LMAN2L: variants seen among roughly 807,000 people sequenced by gnomAD.
LMAN2L encodes lectin, mannose binding 2 like, also known as VIP36-like protein.
LMAN2L carries 30 observed loss-of-function variants against 44.3 expected under a neutral mutation model. The ratio of observed to expected loss-of-function variants is 0.68; its 90% confidence interval spans 0.51 to 0.92. The LOEUF (loss-of-function observed/expected upper bound fraction) is 0.92, where lower values mean the gene tolerates loss of function less well. Among genes scored for constraint, LMAN2L ranks in the 40% least tolerant of loss-of-function variants. The pLI is 0.00. For missense variants in LMAN2L, 429 were observed against 446.1 expected (o/e 0.96, Z 0.35); for synonymous variants, 183 against 171.1 (o/e 1.07, Z -0.54).
intron 4 of LMAN2L, among the ~76,000 whole-genome samples, chr2:96,728,022 T>C (rs893829906): frequency 2.6e-5 from 4 of 152,210 alleles, no homozygotes; most frequent in African/African-American, 7.2e-5. Context: ...GATAAGTAAA[T>C]AATGTATGTG....
rs75929322 is a variant in LMAN2L, at chr2:96,718,594, G to A, written c.508-6569C>T. 6.2e-3 allele frequency among the ~76,000 whole-genome samples: 939 copies of A among 152,042 alleles called. 16 individuals are homozygous for A. Among genetic ancestry groups the A allele is most frequent in the African/African-American group, 0.021 (889 of 41,464 alleles). On this transcript the variant is annotated intron_variant, in intron 4 of 7. Transcript: ENST00000264963. ...TTTCATCCTCCCTGGGATCACTAGC[G>A]GAACACACTGTCACTTACACACGTA... is the stretch of plus-strand genomic sequence containing the variant.
chr2:96,739,738 C>A, intron 1 of LMAN2L, 116 bp downstream of exon 1: 1 of 1,081,510 alleles, frequency 9.2e-7, no homozygotes, highest in Non-Finnish European at 1.4e-6. Flanking sequence ...GTGGGCCCCA[C>A]CACCGCCAGC....
intron 4 of LMAN2L, among the ~76,000 whole-genome samples, chr2:96,720,883 G>A (rs1473486316): frequency 6.6e-6 from 1 of 152,114 alleles, no homozygotes; most frequent in East Asian, 1.9e-4. Flanking sequence ...ACGTTGCAGT[G>A]AGCCAAGATC....
At chr2:96,736,716 A>G (rs2078523476) in intron 2 of LMAN2L, among the ~76,000 whole-genome samples, 1 of 152,248 alleles carries the variant, frequency 6.6e-6, no homozygotes, top group South Asian at 2.1e-4. Flanking sequence ...AAGCTCATTT[A>G]TCAGATAGAG....
At chr2:96,707,435 G>T in intron 7 of LMAN2L, 37 bp from the exon 8 acceptor site, 2 of 1,588,740 alleles carry the variant, frequency 1.3e-6, no homozygotes, top group Non-Finnish European at 1.7e-6. Context: ...AGAAAACAGG[G>T]AGCCCACCCA....
intron 3 of LMAN2L, among the ~76,000 whole-genome samples, 164 bp from the exon 4 acceptor site, chr2:96,733,765 G>A (rs1281501358): frequency 2.0e-5 from 3 of 152,220 alleles, no homozygotes; most frequent in Non-Finnish European, 2.9e-5. Flanking sequence ...TGCATGGCCT[G>A]TAACAAGTGC....
intron 2 of LMAN2L, among the ~76,000 whole-genome samples, chr2:96,736,740 A>T (rs1031280990): frequency 1.3e-5 from 2 of 152,196 alleles, no homozygotes; most frequent in Non-Finnish European, 2.9e-5. Flanking sequence ...CAGAACTAAG[A>T]AGTTAAATAA....
intron 4 of LMAN2L, among the ~76,000 whole-genome samples, chr2:96,721,541 C>T (rs1260896738): frequency 2.0e-5 from 3 of 151,762 alleles, no homozygotes; most frequent in African/African-American, 7.3e-5. Flanking sequence ...CTTGCTCCAT[C>T]GCCCAGGCTA....
intron 4 of LMAN2L, among the ~76,000 whole-genome samples, chr2:96,721,239 C>G (rs1178701386): frequency 6.6e-6 from 1 of 150,684 alleles, no homozygotes; most frequent in Non-Finnish European, 1.5e-5. Context: ...ATGTGTGGGT[C>G]TTTTGTGACT....
intron 1 of LMAN2L, 82 bp from the exon 2 acceptor site, chr2:96,738,149 G>C: frequency 1.1e-6 from 1 of 893,346 alleles, no homozygotes; most frequent in Non-Finnish European, 1.8e-6. Flanking sequence ...TCTGAAAGCT[G>C]AGCCATCATC....
intron 4 of LMAN2L, among the ~76,000 whole-genome samples, chr2:96,726,783 C>CA (rs1558958643): frequency 1.3e-5 from 2 of 149,284 alleles, no homozygotes; most frequent in South Asian, 4.2e-4. Context: ...GATTCTGTCT[C>CA]AAAAAAAATA....
chr2:96,730,894 C>T (rs2078380325), intron 4 of LMAN2L, among the ~76,000 whole-genome samples: 2 of 152,140 alleles, frequency 1.3e-5, no homozygotes, highest in African/African-American at 2.4e-5. Flanking sequence ...AGGATAGTCT[C>T]GGTCTCCTGA....
chr2:96,718,048 C>A (rs554952418), intron 4 of LMAN2L, among the ~76,000 whole-genome samples: 1 of 151,902 alleles, frequency 6.6e-6, no homozygotes, highest in African/African-American at 2.4e-5. Flanking sequence ...CTCCACCTCC[C>A]GGGTTCAAGC....
chr2:96,738,193 C>T, intron 1 of LMAN2L, 126 bp from the exon 2 acceptor site: 3 of 650,182 alleles, frequency 4.6e-6, no homozygotes, highest in Admixed American at 5.2e-5. Context: ...AATCTCCTAT[C>T]TTCTCTCAGT....
chr2:96,718,267 T>C lies in LMAN2L; in HGVS notation c.508-6242A>G, dbSNP rs564074189. Among the ~76,000 whole-genome samples, 6 of 152,376 alleles carry C rather than the reference T, an allele frequency of 3.9e-5. No individual in the cohort carries two copies. The South Asian group carries it at 1.0e-3, about 26-fold the overall frequency. ...CACTGTGCGTGGCCGGTTGTATTCT[T>C]ATAACTTAATCATAAGCACAAAATT... On this transcript the variant is annotated intron_variant, in intron 4 of 7. Coordinates refer to ENST00000264963, the MANE Select transcript of LMAN2L (RefSeq NM_030805.4).
At chr2:96,715,245 G>C (rs1184958681) in intron 4 of LMAN2L, among the ~76,000 whole-genome samples, 2 of 152,176 alleles carry the variant, frequency 1.3e-5, no homozygotes, top group Non-Finnish European at 2.9e-5. Flanking sequence ...CCAGGATTAT[G>C]TATTTTTAAA....
chr2:96,727,093 T>C (rs1350502989), intron 4 of LMAN2L, among the ~76,000 whole-genome samples: 1 of 151,742 alleles, frequency 6.6e-6, no homozygotes, highest in Admixed American at 6.6e-5. Flanking sequence ...CAAAAAAACA[T>C]AAAAATAAAA....
chr2:96,717,104 A>AACAC (rs551677093), intron 4 of LMAN2L, among the ~76,000 whole-genome samples: 3 of 151,436 alleles, frequency 2.0e-5, no homozygotes, highest in African/African-American at 7.3e-5. Flanking sequence ...TTTTTTTTTA[A>AACAC]ACACACACAC....
chr2:96,712,500 T>C (rs544403840), intron 4 of LMAN2L, among the ~76,000 whole-genome samples: 19 of 152,376 alleles, frequency 1.2e-4, no homozygotes, highest in African/African-American at 4.1e-4. Context: ...GCGGGTATTC[T>C]GAAAATACCT....
Sources: allele counts gnomAD v4.1 joint callset (sites outside exome capture counted in the v4.1 genomes callset), GRCh38; gene constraint gnomAD v4.1.1; transcripts MANE v1.5; gene names NCBI Gene and HGNC (gene_info 2026-07-23, HGNC 2026-07-21).